ADARB2: variants seen among roughly 807,000 people sequenced by gnomAD.
The protein encoded by ADARB2 is inactive double-stranded RNA-specific editase B2.
Under a neutral mutation model 62.2 loss-of-function variants are expected in ADARB2, and 25 were observed. That is an observed-to-expected ratio of 0.40 (90% CI 0.29 to 0.56). The LOEUF is 0.56. ADARB2 is among the 20% of genes least tolerant of loss of function. The pLI, the probability that ADARB2 is intolerant of heterozygous loss-of-function variation, is 0.43. For synonymous variants in ADARB2, 572 were observed against 500.8 expected (o/e 1.14, Z -1.90); for missense variants, 1,071 against 1,077.4 (o/e 0.99, Z 0.08).
At chr10:1,296,897 TA>T (rs939530553) in intron 3 of ADARB2, among the ~76,000 whole-genome samples, 1 of 152,230 alleles carries the variant, frequency 6.6e-6, no homozygotes, top group African/African-American at 2.4e-5. Context: ...GGCTCCTTGC[TA>T]AGATGCTCGG....
intron 1 of ADARB2, among the ~76,000 whole-genome samples, chr10:1,577,307 GCA>G (rs1272213704): frequency 3.3e-5 from 5 of 150,418 alleles, no homozygotes; most frequent in East Asian, 2.0e-4. Flanking sequence ...AAGCTCAGGT[GCA>G]TCCTGGTGTA....
intron 1 of ADARB2, among the ~76,000 whole-genome samples, chr10:1,514,721 A>G (rs1160007139): frequency 1.3e-5 from 2 of 152,182 alleles, no homozygotes; most frequent in African/African-American, 4.8e-5. Context: ...ACTGCACTGG[A>G]CCGCCACCCA....
At chr10:1,684,958 G>T (rs11250728) in intron 1 of ADARB2, among the ~76,000 whole-genome samples, 21,849 of 152,124 alleles carry the variant, frequency 0.14, 1,675 homozygotes, top group African/African-American at 0.16. Flanking sequence ...TCATGAGTGG[G>T]TGGTCAGAGT....
chr10:1,430,910 A>C (rs1322938147), intron 1 of ADARB2, among the ~76,000 whole-genome samples: 1 of 152,258 alleles, frequency 6.6e-6, no homozygotes, highest in East Asian at 1.9e-4. Flanking sequence ...ACATCAAAAT[A>C]TATAAAGCAA....
At chr10:1,241,419 G>T (rs1272328704) in intron 5 of ADARB2, among the ~76,000 whole-genome samples, 1 of 152,204 alleles carries the variant, frequency 6.6e-6, no homozygotes, top group Non-Finnish European at 1.5e-5. Flanking sequence ...TCGTAGATTT[G>T]AGGAACGCAG....
In ADARB2 at chr10:1,539,565, G is replaced by A. The variant is rs549799902; in HGVS notation, c.101-160405C>T. On this transcript the variant is annotated intron_variant, in intron 1 of 9. Coordinates refer to ENST00000381312, the MANE Select transcript of ADARB2 (RefSeq NM_018702.4). Reference sequence around the variant, plus strand: ...CAACTGGCAAGGTAGAGGGTACACCGGAAATTGGGGAGGCCCACCCATGGT... The same window carrying A: ...CAACTGGCAAGGTAGAGGGTACACCAGAAATTGGGGAGGCCCACCCATGGT... Among the ~76,000 whole-genome samples, 149 of 152,356 alleles carry A rather than the reference G, an allele frequency of 9.8e-4. 1 individual carries two copies. Among genetic ancestry groups the A allele is most frequent in the African/African-American group, 3.5e-3 (144 of 41,580 alleles).
At chr10:1,496,461 TCAC>T (rs1382906033) in intron 1 of ADARB2, among the ~76,000 whole-genome samples, 3 of 152,068 alleles carry the variant, frequency 2.0e-5, no homozygotes, top group African/African-American at 7.2e-5. Context: ...ATCAACATTA[TCAC>T]CACCATCATC....
intron 1 of ADARB2, among the ~76,000 whole-genome samples, chr10:1,681,028 T>C (rs1461508784): frequency 1.3e-5 from 2 of 152,164 alleles, no homozygotes; most frequent in Admixed American, 6.5e-5. Context: ...GGGACCCCCC[T>C]GGAGTCATGA....
rs1831460878 is a variant in ADARB2 at position 1,480,789 on chromosome 10, A to T, written c.101-101629T>A. 2.0e-5 allele frequency among the ~76,000 whole-genome samples: 3 copies of T among 152,260 alleles called. No homozygotes were observed. The South Asian group carries it at 6.2e-4, about 32-fold the overall frequency. ...AACCAAGAAGGTAAAAGCCTTGGAT[A>T]CTGAAAACTACAAAACATTGTTGAA... is the stretch of plus-strand genomic sequence containing the variant. On this transcript the variant is annotated intron_variant, in intron 1 of 9. Coordinates refer to ENST00000381312, the MANE Select transcript of ADARB2 (RefSeq NM_018702.4).
intron 1 of ADARB2, among the ~76,000 whole-genome samples, chr10:1,400,729 C>A (rs1457552645): frequency 6.6e-6 from 1 of 152,200 alleles, no homozygotes; most frequent in Admixed American, 6.5e-5. Context: ...CTCCCCTCCC[C>A]ACCTGGTCAC....
intron 4 of ADARB2, among the ~76,000 whole-genome samples, chr10:1,259,401 G>C (rs183902397): frequency 4.6e-5 from 7 of 152,238 alleles, no homozygotes; most frequent in Admixed American, 4.6e-4. Context: ...TAGACCTCTA[G>C]CAAGACTAAT....
At chr10:1,265,979 C>T (rs1434359571) in intron 4 of ADARB2, among the ~76,000 whole-genome samples, 14 of 133,310 alleles carry the variant, frequency 1.1e-4, no homozygotes, top group Non-Finnish European at 1.8e-4. Context: ...CGGAAGACGG[C>T]CTGAGTCAGG....
At chr10:1,593,758 C>G (rs1306254620) in intron 1 of ADARB2, among the ~76,000 whole-genome samples, 1 of 152,176 alleles carries the variant, frequency 6.6e-6, no homozygotes, top group Non-Finnish European at 1.5e-5. Flanking sequence ...TGATGGGCAA[C>G]TTTTTCCAAG....
chr10:1,558,380 A>G (rs113350323), intron 1 of ADARB2, among the ~76,000 whole-genome samples: 7,058 of 98,862 alleles, frequency 0.071, 189 homozygotes, highest in African/African-American at 0.11. Context: ...CGCATGCTCC[A>G]TCTAAACTCG....
intron 6 of ADARB2, among the ~76,000 whole-genome samples, 174 bp from the exon 7 acceptor site, chr10:1,217,293 C>T (rs906513202): frequency 3.3e-5 from 5 of 152,182 alleles, no homozygotes; most frequent in African/African-American, 9.7e-5. Flanking sequence ...GCTCCAGAGC[C>T]ACACCATCCC....
intron 1 of ADARB2, among the ~76,000 whole-genome samples, chr10:1,454,753 G>C (rs996633322): frequency 6.6e-6 from 1 of 152,098 alleles, no homozygotes; most frequent in South Asian, 2.1e-4. Context: ...GGTGGTGATT[G>C]CTCACGACTG....
At chr10:1,382,479 A>G (rs1392600856) in intron 1 of ADARB2, among the ~76,000 whole-genome samples, 2 of 152,216 alleles carry the variant, frequency 1.3e-5, no homozygotes, top group Non-Finnish European at 1.5e-5. Flanking sequence ...GAGGTGAAGA[A>G]TTACATTTTT....
At chr10:1,697,207 C>T (rs1255138392) in intron 1 of ADARB2, among the ~76,000 whole-genome samples, 2 of 152,126 alleles carry the variant, frequency 1.3e-5, no homozygotes, top group African/African-American at 4.8e-5. Context: ...ACCCACACAC[C>T]TAAACACACA....
In ADARB2 at chr10:1,539,893, G is replaced by A. The variant is rs1474403341; in HGVS notation, c.101-160733C>T. On this transcript the variant is annotated intron_variant, in intron 1 of 9. Transcript: ENST00000381312. ...ACACTCTGCAAAGAGGTATTGGGTCGGAAGTAGCTATGTTTAGAAGGCAAT... is the reference window on the plus strand; with the variant it reads ...ACACTCTGCAAAGAGGTATTGGGTCAGAAGTAGCTATGTTTAGAAGGCAAT... Among the ~76,000 whole-genome samples the A allele has an allele frequency of 2.0e-5, 3 of 152,184 alleles. No individual in the cohort carries two copies. In the East Asian group the frequency reaches 5.8e-4, roughly 29 times the overall value.
Sources: allele counts gnomAD v4.1 joint callset (sites outside exome capture counted in the v4.1 genomes callset), GRCh38; gene constraint gnomAD v4.1.1; transcripts MANE v1.5; gene names NCBI Gene and HGNC (gene_info 2026-07-23, HGNC 2026-07-21).